Variants in PTPRM observed in about 807,000 individuals in gnomAD.
PTPRM encodes receptor-type tyrosine-protein phosphatase mu.
PTPRM carries 47 observed loss-of-function variants against 186.7 expected under a neutral mutation model. That is an observed-to-expected ratio of 0.25 (90% CI 0.20 to 0.32). The LOEUF is 0.32. Among genes scored for constraint, PTPRM ranks in the 10% least tolerant of loss-of-function variants. The pLI is 1.00. For missense variants in PTPRM, 1,494 were observed against 1,865.0 expected (o/e 0.80, Z 3.66); for synonymous variants, 668 against 674.9 (o/e 0.99, Z 0.16).
chr18:8,202,063 G>C (rs2093865809), intron 14 of PTPRM, among the ~76,000 whole-genome samples: 2 of 152,166 alleles, frequency 1.3e-5, no homozygotes, highest in Admixed American at 1.3e-4. Flanking sequence ...TTTGGAAAAA[G>C]TACTGGAATA....
intron 14 of PTPRM, among the ~76,000 whole-genome samples, chr18:8,218,092 A>G (rs1178902501): frequency 1.3e-5 from 2 of 152,216 alleles, no homozygotes; most frequent in Admixed American, 6.5e-5. Flanking sequence ...AGATTGTGGT[A>G]TTAAAAACTA....
chr18:8,119,397 T>A (rs971129078), intron 13 of PTPRM, among the ~76,000 whole-genome samples: 2 of 152,308 alleles, frequency 1.3e-5, no homozygotes, highest in African/African-American at 4.8e-5. Context: ...GAAAAGAATG[T>A]CTGTTGAGAT....
At chr18:7,887,450 T>C (rs1177851823) in intron 2 of PTPRM, among the ~76,000 whole-genome samples, 1 of 152,164 alleles carries the variant, frequency 6.6e-6, no homozygotes, top group Non-Finnish European at 1.5e-5. Context: ...CAAGGAGAAG[T>C]CAGTTGTTCC....
At chr18:7,849,179 CTG>C (rs2046744414) in intron 2 of PTPRM, among the ~76,000 whole-genome samples, 1 of 152,194 alleles carries the variant, frequency 6.6e-6, no homozygotes, top group East Asian at 1.9e-4. Flanking sequence ...AGCGGCCAAA[CTG>C]TGATGTTTTG....
intron 1 of PTPRM, among the ~76,000 whole-genome samples, chr18:7,767,505 G>A (rs1255974248): frequency 6.6e-6 from 1 of 152,050 alleles, no homozygotes; most frequent in Non-Finnish European, 1.5e-5. Flanking sequence ...GTCACATAAG[G>A]TTTCCTTTGG....
intron 32 of PTPRM, among the ~76,000 whole-genome samples, chr18:8,395,905 C>T (rs1396343529): frequency 6.6e-6 from 1 of 152,166 alleles, no homozygotes; most frequent in Non-Finnish European, 1.5e-5. Flanking sequence ...CTAGGGATAC[C>T]ATGAGCTCAC....
Position 8,166,271 on chromosome 18 carries a change from C to A in PTPRM, c.2300+22492C>A, listed in dbSNP as rs377249066. On this transcript the variant is annotated intron_variant, in intron 14 of 32. Transcript: ENST00000580170. ...GTCATTACTGAGGCAAGGAACAAGT[C>A]ATACTCTTGCTTCCCACTTCTCCCT... Among the ~76,000 whole-genome samples, 14 of 152,190 alleles carry A rather than the reference C, an allele frequency of 9.2e-5. 1 individual carries two copies. Among genetic ancestry groups the A allele is most frequent in the African/African-American group, 3.4e-4 (14 of 41,444 alleles).
intron 14 of PTPRM, among the ~76,000 whole-genome samples, chr18:8,201,829 T>C (rs180721295): frequency 2.6e-5 from 4 of 152,310 alleles, no homozygotes; most frequent in Admixed American, 6.5e-5. Flanking sequence ...ATTCGACATA[T>C]GAATTTTGGA....
At chr18:7,657,601 C>G (rs1307602197) in intron 1 of PTPRM, among the ~76,000 whole-genome samples, 3 of 152,190 alleles carry the variant, frequency 2.0e-5, no homozygotes, top group African/African-American at 7.2e-5. Flanking sequence ...ATGCCGTATT[C>G]TACTCAAATT....
At chr18:7,586,084 A>C (rs1181853188) in intron 1 of PTPRM, among the ~76,000 whole-genome samples, 1 of 152,202 alleles carries the variant, frequency 6.6e-6, no homozygotes, top group Non-Finnish European at 1.5e-5. Flanking sequence ...AACTGAAGCA[A>C]AGTGGCCAAG....
At chr18:7,650,444 T>TTCC (rs2038670695) in intron 1 of PTPRM, among the ~76,000 whole-genome samples, 2 of 85,604 alleles carry the variant, frequency 2.3e-5, no homozygotes, top group African/African-American at 3.8e-5. Context: ...AACTTTCAAA[T>TTCC]CCCCCCCCCC....
chr18:8,216,251 T>A (rs1568540069), intron 14 of PTPRM, among the ~76,000 whole-genome samples: 1 of 152,214 alleles, frequency 6.6e-6, no homozygotes, highest in Non-Finnish European at 1.5e-5. Context: ...ATGCATATCC[T>A]CTGTATCTGG....
chr18:8,320,316 G>A (rs73382203), intron 22 of PTPRM, among the ~76,000 whole-genome samples: 185 of 152,270 alleles, frequency 1.2e-3, no homozygotes, highest in African/African-American at 4.2e-3. Flanking sequence ...CCACTGGACC[G>A]TGAGGAGAGG....
At position 7,990,761 on chromosome 18, in the gene PTPRM, G is replaced by T. The variant is rs2083225532; in HGVS notation, c.1132+35347G>T. Among the ~76,000 whole-genome samples the T allele has an allele frequency of 2.0e-5, 3 of 152,002 alleles. 1 individual carries two copies. The South Asian group carries it at 6.2e-4, about 32-fold the overall frequency. On this transcript the variant is annotated intron_variant, in intron 7 of 32. Transcript: ENST00000580170. The stretch of plus-strand genomic sequence containing the variant: ...CATTCATGCTGCCTTTTTAAAAGTT[G>T]TTTTTTTCTTCAAGGATAGACTCTG...
At chr18:8,016,542 A>G (rs1254649781) in intron 7 of PTPRM, among the ~76,000 whole-genome samples, 2 of 151,608 alleles carry the variant, frequency 1.3e-5, no homozygotes, top group South Asian at 2.1e-4. Flanking sequence ...AAAAAAAAAA[A>G]AAAAGAAAAA....
intron 14 of PTPRM, among the ~76,000 whole-genome samples, chr18:8,236,826 G>C (rs2147208336): frequency 6.6e-6 from 1 of 152,296 alleles, no homozygotes; most frequent in East Asian, 1.9e-4. Context: ...ATAGGTGTGA[G>C]CCACCTAGTG....
Position 8,253,214 on chromosome 18 carries a change from C to T in PTPRM, c.2567-13C>T, listed in dbSNP as rs2094544909. 2.8e-6 allele frequency: 4 copies of T among 1,409,768 alleles called. No homozygotes were observed. In the South Asian group the frequency reaches 6.7e-5, roughly 24 times the overall value. The allele number at this position is 1,409,768 out of a possible 1,614,324, so 87.3% of individuals were successfully genotyped here. On this transcript the variant is annotated splice_polypyrimidine_tract_variant and intron_variant, in intron 18 of 32. Transcript: ENST00000580170. ...GGCTCTCCCTCATTTTCTCCCTGGC[C>T]TTCTTTTCCTAGATGAAACCCACAC...
At chr18:8,140,153 G>T (rs1446967821) in intron 13 of PTPRM, among the ~76,000 whole-genome samples, 4 of 152,100 alleles carry the variant, frequency 2.6e-5, no homozygotes, top group Admixed American at 2.6e-4. Flanking sequence ...CGGGGTGAAA[G>T]CAGCCCGTGC....
rs189155308 is a variant in PTPRM, at chr18:8,041,420, C to A, written c.1133-28266C>A. Among the ~76,000 whole-genome samples the A allele has an allele frequency of 1.3e-4, 19 of 151,574 alleles. No individual in the cohort carries two copies. The East Asian group carries it at 3.5e-3, about 28-fold the overall frequency. On this transcript the variant is annotated intron_variant, in intron 7 of 32. Coordinates refer to ENST00000580170, the MANE Select transcript of PTPRM (RefSeq NM_001105244.2). ...AAGTTAATTAAGGCATCATTAAAGG[C>A]ATGACTTTGAGTTAGTCTGCACTGA...
Sources: allele counts gnomAD v4.1 joint callset (sites outside exome capture counted in the v4.1 genomes callset), GRCh38; gene constraint gnomAD v4.1.1; transcripts MANE v1.5; gene names NCBI Gene and HGNC (gene_info 2026-07-23, HGNC 2026-07-21).